ADAMTS17: variants seen among roughly 807,000 people sequenced by gnomAD.
ADAMTS17 encodes the protein ADAM metallopeptidase with thrombospondin type 1 motif 17, also known as A disintegrin and metalloproteinase with thrombospondin motifs 17.
Under a neutral mutation model 141.5 loss-of-function variants are expected in ADAMTS17, and 113 were observed. The observed-to-expected ratio is 0.80, with a 90% CI of 0.69 to 0.93. The LOEUF is 0.93. ADAMTS17 is among the 40% of genes least tolerant of loss of function. ADAMTS17 has a pLI of 0.00. For missense variants in ADAMTS17, 1,659 were observed against 1,517.9 expected (o/e 1.09, Z -1.54); for synonymous variants, 768 against 630.6 (o/e 1.22, Z -3.27).
At chr15:100,037,074 G>A (rs1478130206) in intron 18 of ADAMTS17, among the ~76,000 whole-genome samples, 1 of 152,154 alleles carries the variant, frequency 6.6e-6, no homozygotes, top group Non-Finnish European at 1.5e-5. Flanking sequence ...TATATACATA[G>A]TACTGGAATT....
rs1567371847 is a variant in ADAMTS17, at chr15:100,217,129, A to T, written c.1076-17706T>A. On this transcript the variant is annotated intron_variant, in intron 7 of 21. Transcript: ENST00000268070. Reference sequence around the variant, plus strand: ...TTCTGATAGGAAAAATAAACAGGAGACTTCATGTTCCACAATATAAAATAC... The same window carrying T: ...TTCTGATAGGAAAAATAAACAGGAGTCTTCATGTTCCACAATATAAAATAC... Among the ~76,000 whole-genome samples the T allele has an allele frequency of 2.0e-5, 3 of 152,262 alleles. No homozygotes were observed. In the South Asian group the frequency reaches 6.2e-4, roughly 32 times the overall value.
chr15:100,100,399 C>T (rs1302862590), intron 14 of ADAMTS17, among the ~76,000 whole-genome samples: 1 of 152,154 alleles, frequency 6.6e-6, no homozygotes, highest in African/African-American at 2.4e-5. Context: ...AAGCCCACTT[C>T]TCCCCTCACT....
intron 18 of ADAMTS17, among the ~76,000 whole-genome samples, chr15:100,004,227 A>C (rs2060989722): frequency 1.3e-5 from 2 of 152,258 alleles, no homozygotes; most frequent in Non-Finnish European, 1.5e-5. Context: ...CTTTGTGTAC[A>C]AGCACTCCGC....
rs553956190 is a variant in ADAMTS17 at position 100,213,353 on chromosome 15, G to C, written c.1076-13930C>G. Among the ~76,000 whole-genome samples the C allele has an allele frequency of 2.6e-5, 4 of 152,132 alleles. No individual in the cohort carries two copies. In the East Asian group the frequency reaches 7.7e-4, roughly 29 times the overall value. On this transcript the variant is annotated intron_variant, in intron 7 of 21. Coordinates refer to ENST00000268070, the MANE Select transcript of ADAMTS17 (RefSeq NM_139057.4). The stretch of plus-strand genomic sequence containing the variant: ...GAAAAACATGATATAAAAGCCATTT[G>C]TTGATGGTGTTCTCCATTTGATGGA...
chr15:100,129,121 G>A (rs144643323), intron 12 of ADAMTS17: 1 of 152,218 alleles, frequency 6.6e-6, no homozygotes, highest in Admixed American at 6.5e-5. Flanking sequence ...CAGAGGTTCT[G>A]ATATCCTCCT....
At chr15:100,311,291 C>A (rs976910067) in intron 3 of ADAMTS17, among the ~76,000 whole-genome samples, 1 of 152,168 alleles carries the variant, frequency 6.6e-6, no homozygotes, top group Non-Finnish European at 1.5e-5. Flanking sequence ...TCTCTCTCCA[C>A]CCCCACCGCC....
At chr15:100,150,452 T>C (rs2039107577) in intron 10 of ADAMTS17, among the ~76,000 whole-genome samples, 1 of 152,122 alleles carries the variant, frequency 6.6e-6, no homozygotes, top group Non-Finnish European at 1.5e-5. Context: ...TTAGCTTCTA[T>C]ATTCTCATCT....
chr15:100,290,752 G>A (rs2044600729), intron 3 of ADAMTS17, among the ~76,000 whole-genome samples: 1 of 152,102 alleles, frequency 6.6e-6, no homozygotes, highest in South Asian at 2.1e-4. Flanking sequence ...ACAAGCACTA[G>A]GGAAAGGACT....
At chr15:100,244,483 G>A (rs1051089919) in intron 7 of ADAMTS17, among the ~76,000 whole-genome samples, 1 of 151,780 alleles carries the variant, frequency 6.6e-6, no homozygotes, top group Admixed American at 6.6e-5. Context: ...GAGGGACCTG[G>A]TGGGAGGTAA....
intron 7 of ADAMTS17, among the ~76,000 whole-genome samples, chr15:100,250,607 G>T (rs1386364184): frequency 6.6e-6 from 1 of 152,200 alleles, no homozygotes; most frequent in Non-Finnish European, 1.5e-5. Flanking sequence ...AGCCGCCGTG[G>T]ACTTCTGTTC....
intron 9 of ADAMTS17, 63 bp from the exon 10 acceptor site, chr15:100,152,825 TTC>T (rs1185325571): frequency 9.5e-6 from 14 of 1,476,962 alleles, no homozygotes; most frequent in Non-Finnish European, 1.2e-5. Flanking sequence ...TGTTTTCTTT[TTC>T]TTTTTTTTTT....
chr15:100,209,497 G>C (rs1778192246), intron 7 of ADAMTS17, among the ~76,000 whole-genome samples: 1 of 152,042 alleles, frequency 6.6e-6, no homozygotes, highest in Non-Finnish European at 1.5e-5. Flanking sequence ...ATGAACTAAA[G>C]TCAAACTACC....
chr15:100,301,748 G>T (rs529537853), intron 3 of ADAMTS17, among the ~76,000 whole-genome samples: 1 of 152,066 alleles, frequency 6.6e-6, no homozygotes, highest in Non-Finnish European at 1.5e-5. Context: ...TCTGATTATC[G>T]AAGTCAAGAA....
chr15:99,974,701 C>T (rs2060285101), intron 21 of ADAMTS17, 139 bp from the exon 22 acceptor site: 1 of 1,159,946 alleles, frequency 8.6e-7, no homozygotes, highest in Non-Finnish European at 1.3e-6. Flanking sequence ...ACTGATTAGG[C>T]CATGCCTCCT....
Position 100,109,087 on chromosome 15 carries a change from G to C in ADAMTS17, c.1918C>G (p.Leu640Val). The C allele has an allele frequency of 6.2e-7, 1 of 1,613,606 alleles. No homozygotes were observed. Among genetic ancestry groups the C allele is most frequent in the Non-Finnish European group, 8.5e-7 (1 of 1,179,852 alleles). ...DKPCELYCSP[L>V]GKESPLLVAD... ...ACCAGCAGTGGGGACTCCTTCCCGAGGGGCGAGCAGTAGAGTTCACATGGC... is the reference window on the plus strand; with the variant it reads ...ACCAGCAGTGGGGACTCCTTCCCGACGGGCGAGCAGTAGAGTTCACATGGC... Residue 640 changes from leucine to valine, a missense_variant, in exon 14 of 22, where the codon CTC becomes GTC. Leu to Val is a conservative substitution (Grantham distance 32, BLOSUM62 1). Transcript: ENST00000268070.
At chr15:100,319,132 T>A (rs1358273932) in intron 3 of ADAMTS17, among the ~76,000 whole-genome samples, 2 of 152,166 alleles carry the variant, frequency 1.3e-5, no homozygotes, top group African/African-American at 4.8e-5. Context: ...ATGCAGGGCA[T>A]AGGGGACTCC....
At chr15:100,223,685 A>G (rs1007461163) in intron 7 of ADAMTS17, among the ~76,000 whole-genome samples, 2 of 149,694 alleles carry the variant, frequency 1.3e-5, no homozygotes, top group African/African-American at 5.1e-5. Context: ...ACACACATAT[A>G]TGTGTATATA....
intron 12 of ADAMTS17, among the ~76,000 whole-genome samples, chr15:100,123,305 G>A (rs2037546631): frequency 6.6e-6 from 1 of 152,210 alleles, no homozygotes; most frequent in African/African-American, 2.4e-5. Context: ...AACACATCTA[G>A]GGAGACTAAA....
chr15:100,100,134 T>A (rs906920579), intron 14 of ADAMTS17, among the ~76,000 whole-genome samples: 1 of 152,152 alleles, frequency 6.6e-6, no homozygotes, highest in Non-Finnish European at 1.5e-5. Context: ...AATAAAGACA[T>A]GTAAGATGGA....
Sources: gnomAD v4.1 joint callset for allele counts (sites outside exome capture counted in the v4.1 genomes callset) on GRCh38, gnomAD v4.1.1 for gene constraint, MANE v1.5 for transcripts, NCBI Gene and HGNC (gene_info 2026-07-23, HGNC 2026-07-21) for gene names.